CEP63: variants seen among roughly 807,000 people sequenced by gnomAD.
The protein encoded by CEP63 is centrosomal protein of 63 kDa.
In CEP63, 84 loss-of-function variants were observed where a neutral mutation model predicts 89.1. That is an observed-to-expected ratio of 0.94 (90% CI 0.79 to 1.13). CEP63 has a LOEUF of 1.13. Ranked by LOEUF, CEP63 falls within the 50% of genes most tolerant of loss-of-function variation. The probability of loss-of-function intolerance (pLI) is 0.00; values close to 1 mark genes in which losing one functional copy is unlikely to be tolerated. For synonymous variants in CEP63, 267 were observed against 272.5 expected (o/e 0.98, Z 0.20); for missense variants, 838 against 813.3 (o/e 1.03, Z -0.37).
At chr3:134,701,312 A>ATGTGTATATGTG in the CEP63 span, among the ~76,000 whole-genome samples, 5 of 24,842 alleles carry the variant, frequency 2.0e-4, no homozygotes, top group Admixed American at 8.4e-4. Flanking sequence ...ATACGTATAT[A>ATGTGTATATGTG]TGTGTATATA....
At chr3:134,757,155 T>C in the CEP63 span, among the ~76,000 whole-genome samples, 2 of 152,220 alleles carry the variant, frequency 1.3e-5, no homozygotes, top group Non-Finnish European at 2.9e-5. Flanking sequence ...CAGCCACTGA[T>C]GATTCTGTGA....
the CEP63 span, among the ~76,000 whole-genome samples, chr3:134,771,479 C>T: frequency 6.6e-6 from 1 of 152,130 alleles, no homozygotes; most frequent in Non-Finnish European, 1.5e-5. Context: ...TAGCTAGGCC[C>T]CACCCCCAAA....
intron 9 of CEP63, 124 bp downstream of exon 9, chr3:134,547,596 T>C (rs576184183): frequency 3.2e-6 from 2 of 629,904 alleles, no homozygotes; most frequent in African/African-American, 1.9e-5. Context: ...TATCCACAAA[T>C]GGCCTAAGTT....
intron 9 of CEP63, 46 bp from the exon 10 acceptor site, chr3:134,549,016 T>G: frequency 8.6e-7 from 1 of 1,161,520 alleles, no homozygotes; most frequent in Non-Finnish European, 1.3e-6. Flanking sequence ...ATTTATAGGT[T>G]TCAGGATTTT....
At chr3:134,604,605 A>G in the CEP63 span, 1 of 752,868 alleles carries the variant, frequency 1.3e-6, no homozygotes. Context: ...CACGGTGTTA[A>G]TACTTTCACC....
chr3:134,604,598 G>C, the CEP63 span: 1 of 797,606 alleles, frequency 1.3e-6, no homozygotes, highest in Non-Finnish European at 2.0e-6. Context: ...CTATTTCCAC[G>C]GTGTTAATAC....
At chr3:134,616,537 A>G in the CEP63 span, among the ~76,000 whole-genome samples, 1 of 152,230 alleles carries the variant, frequency 6.6e-6, no homozygotes, top group Non-Finnish European at 1.5e-5. Context: ...TTAAAGAAAC[A>G]GTTAAAGGAA....
chr3:134,568,104 G>C (rs1957861868), downstream of CEP63, among the ~76,000 whole-genome samples: 1 of 152,164 alleles, frequency 6.6e-6, no homozygotes, highest in South Asian at 2.1e-4. Context: ...AGTCTTCCTA[G>C]TCCTTTTCTG....
At chr3:134,610,161 C>G in the CEP63 span, 1 of 1,589,514 alleles carries the variant, frequency 6.3e-7, no homozygotes, top group Non-Finnish European at 8.6e-7. Flanking sequence ...CTTCCACCTG[C>G]CAGACGCCCA....
chr3:134,644,241 G>A, the CEP63 span, among the ~76,000 whole-genome samples: 1 of 152,200 alleles, frequency 6.6e-6, no homozygotes, highest in Non-Finnish European at 1.5e-5. Context: ...GGGCATGCAC[G>A]CTACACACGT....
chr3:134,516,129 C>T (rs9827672), intron 3 of CEP63, among the ~76,000 whole-genome samples: 100,205 of 152,018 alleles, frequency 0.66, 33,420 homozygotes, highest in East Asian at 0.81. Flanking sequence ...GGGTGTTTCT[C>T]GGAGAGGGGG....
the CEP63 span, chr3:134,610,183 A>G: frequency 3.7e-6 from 6 of 1,609,332 alleles, no homozygotes; most frequent in Admixed American, 1.7e-5. Context: ...CAGAACTGAG[A>G]CAAGTACTTA....
At chr3:134,766,214 C>T in the CEP63 span, among the ~76,000 whole-genome samples, 14 of 152,270 alleles carry the variant, frequency 9.2e-5, no homozygotes, top group East Asian at 1.2e-3. Flanking sequence ...TACCTCTCCC[C>T]GCAGCTTTCA....
the CEP63 span, among the ~76,000 whole-genome samples, chr3:134,662,316 C>G: frequency 6.6e-6 from 1 of 151,794 alleles, no homozygotes; most frequent in African/African-American, 2.4e-5. Flanking sequence ...GTCTTTGAAC[C>G]AGGAAGTGTG....
the CEP63 span, chr3:134,606,949 C>T: frequency 1.0e-6 from 1 of 985,304 alleles, no homozygotes; most frequent in Non-Finnish European, 1.2e-6. Context: ...TCCTTCCCCT[C>T]CCCTCTCTTA....
chr3:134,608,073 A>C, the CEP63 span: 1 of 1,090,592 alleles, frequency 9.2e-7, no homozygotes, highest in Non-Finnish European at 1.1e-6. Context: ...CTTGGGTGGG[A>C]CTGCCCCCAC....
chr3:134,586,685 C>T (rs1217259470), intron 10 of CEP63, among the ~76,000 whole-genome samples: 2 of 152,042 alleles, frequency 1.3e-5, no homozygotes, highest in African/African-American at 2.4e-5. Context: ...TTGCTCTTCT[C>T]GAGGAGTATC....
the CEP63 span, among the ~76,000 whole-genome samples, chr3:134,719,494 T>G: frequency 6.6e-6 from 1 of 152,196 alleles, no homozygotes; most frequent in African/African-American, 2.4e-5. Context: ...GGCACATAAT[T>G]CACCCATCTA....
the CEP63 span, among the ~76,000 whole-genome samples, chr3:134,743,160 T>C: frequency 6.6e-6 from 1 of 152,200 alleles, no homozygotes; most frequent in Non-Finnish European, 1.5e-5. Context: ...TCCTGAGCCT[T>C]GAGGGACCAG....
Sources: gnomAD v4.1 joint callset for allele counts (sites outside exome capture counted in the v4.1 genomes callset) on GRCh38, gnomAD v4.1.1 for gene constraint, MANE v1.5 for transcripts, NCBI Gene and HGNC (gene_info 2026-07-23, HGNC 2026-07-21) for gene names.